MKLN1: variants seen among roughly 807,000 people sequenced by gnomAD.
MKLN1 encodes muskelin.
Under a neutral mutation model 99.0 loss-of-function variants are expected in MKLN1, and 18 were observed. That is an observed-to-expected ratio of 0.18 (90% CI 0.13 to 0.27). The LOEUF is 0.27. Ranked by LOEUF, MKLN1 falls within the 10% of genes least tolerant of loss-of-function variation. The pLI, the probability that MKLN1 is intolerant of heterozygous loss-of-function variation, is 1.00. For missense variants in MKLN1, 621 were observed against 875.9 expected (o/e 0.71, Z 3.67); for synonymous variants, 288 against 293.2 (o/e 0.98, Z 0.18).
intron 3 of MKLN1, among the ~76,000 whole-genome samples, chr7:131,284,312 A>G (rs1798101891): frequency 6.6e-6 from 1 of 152,264 alleles, no homozygotes; most frequent in Non-Finnish European, 1.5e-5. Flanking sequence ...TTAAAAATAC[A>G]CATATCTAAG....
At chr7:131,290,812 A>G (rs1798204706) in intron 3 of MKLN1, among the ~76,000 whole-genome samples, 1 of 152,230 alleles carries the variant, frequency 6.6e-6, no homozygotes, top group Non-Finnish European at 1.5e-5. Context: ...CTTTGAATTA[A>G]TGAGATAGAC....
In MKLN1 at chr7:131,192,177, TAA is replaced by T. The variant is rs199745919; in HGVS notation, c.-296-10676_-296-10675del. On this transcript the variant is annotated intron_variant, in intron 2 of 7. Coordinates refer to the MKLN1 transcript ENST00000416992. The stretch of plus-strand genomic sequence containing the variant: ...TACATATATACTTATGTATAATATA[TAA>T]AAATATATAAAATATAATATATACA... 2.4e-3 allele frequency among the ~76,000 whole-genome samples: 200 copies of T among 82,244 alleles called. 16 individuals are homozygous for T. Among genetic ancestry groups the T allele is most frequent in the African/African-American group, 4.4e-3 (68 of 15,376 alleles). The allele number at this position is 82,244 out of a possible 152,430, so 54.0% of individuals were successfully genotyped here. A position where few individuals can be genotyped will look rare whatever the true frequency, so the allele number is the denominator to read the frequency against.
intron 2 of MKLN1, among the ~76,000 whole-genome samples, chr7:131,160,401 T>G (rs1449267457): frequency 2.0e-5 from 3 of 151,856 alleles, no homozygotes; most frequent in African/African-American, 4.8e-5. Context: ...TTTGTGGAAA[T>G]GTACATTTTA....
chr7:131,414,188 A>G (rs1794953691), intron 7 of MKLN1, among the ~76,000 whole-genome samples: 1 of 152,242 alleles, frequency 6.6e-6, no homozygotes, highest in African/African-American at 2.4e-5. Flanking sequence ...TCATTAATAT[A>G]AAACTTGATA....
At chr7:131,332,595 T>C (rs1205130293) in intron 1 of MKLN1, among the ~76,000 whole-genome samples, 1 of 151,646 alleles carries the variant, frequency 6.6e-6, no homozygotes, top group Non-Finnish European at 1.5e-5. Context: ...ACCTAAAGAT[T>C]ACTAGTCACC....
chr7:131,260,643 C>T (rs902911142), intron 3 of MKLN1, among the ~76,000 whole-genome samples: 1 of 152,076 alleles, frequency 6.6e-6, no homozygotes, highest in African/African-American at 2.4e-5. Flanking sequence ...CTTGAATAGC[C>T]AGGGCAATCC....
At chr7:131,475,596 G>A (rs1004870403) in intron 16 of MKLN1, among the ~76,000 whole-genome samples, 4 of 152,170 alleles carry the variant, frequency 2.6e-5, no homozygotes, top group African/African-American at 9.7e-5. Context: ...TGGATCGCCT[G>A]AGCCCATGAG....
intron 3 of MKLN1, among the ~76,000 whole-genome samples, chr7:131,203,336 C>T (rs918907163): frequency 6.6e-6 from 1 of 151,968 alleles, no homozygotes; most frequent in Non-Finnish European, 1.5e-5. Context: ...TCTAAAAGGC[C>T]CTTCATGATC....
chr7:131,301,482 G>T (rs943107588), intron 3 of MKLN1, among the ~76,000 whole-genome samples: 3 of 152,174 alleles, frequency 2.0e-5, no homozygotes, highest in Non-Finnish European at 4.4e-5. Flanking sequence ...AAAAAATTAT[G>T]TTCGAGAAAT....
At chr7:131,207,887 A>G (rs1179527202) in intron 3 of MKLN1, among the ~76,000 whole-genome samples, 2 of 152,246 alleles carry the variant, frequency 1.3e-5, no homozygotes, top group Non-Finnish European at 2.9e-5. Flanking sequence ...CTTTGGAAAG[A>G]ACATATATAG....
intron 2 of MKLN1, 142 bp from the exon 3 acceptor site, chr7:131,386,978 C>A: frequency 1.5e-6 from 1 of 675,940 alleles, no homozygotes; most frequent in Non-Finnish European, 2.3e-6. Flanking sequence ...ATGTACTATT[C>A]TATAGCTTTA....
At chr7:131,236,846 G>C (rs968030394) in intron 3 of MKLN1, among the ~76,000 whole-genome samples, 1 of 152,002 alleles carries the variant, frequency 6.6e-6, no homozygotes, top group African/African-American at 2.4e-5. Context: ...AATTAGCTGG[G>C]CATGCTGGTG....
chr7:131,343,135 A>G (rs928122079), intron 1 of MKLN1, among the ~76,000 whole-genome samples: 1 of 152,226 alleles, frequency 6.6e-6, no homozygotes, highest in Admixed American at 6.5e-5. Context: ...AAGATGAGCT[A>G]TGCCTTCCTT....
At chr7:131,111,004 C>T (rs1325034841) in intron 1 of MKLN1, among the ~76,000 whole-genome samples, 2 of 152,218 alleles carry the variant, frequency 1.3e-5, no homozygotes, top group African/African-American at 2.4e-5. Context: ...GGGAAATATA[C>T]GGACAGGCTT....
intron 10 of MKLN1, among the ~76,000 whole-genome samples, chr7:131,440,759 A>G (rs1367919954): frequency 1.3e-5 from 2 of 152,184 alleles, no homozygotes; most frequent in Non-Finnish European, 2.9e-5. Context: ...AAGCCAAAAC[A>G]ATGGAAAAAA....
At chr7:131,168,531 A>C (rs1431727040) in intron 2 of MKLN1, among the ~76,000 whole-genome samples, 1 of 152,180 alleles carries the variant, frequency 6.6e-6, no homozygotes, top group African/African-American at 2.4e-5. Context: ...ACTGGTAGAC[A>C]TTAAGGATTC....
chr7:131,419,375 C>T (rs893460867), intron 8 of MKLN1, among the ~76,000 whole-genome samples: 8 of 150,946 alleles, frequency 5.3e-5, no homozygotes, highest in Admixed American at 2.6e-4. Context: ...CTCAGCCTCC[C>T]GAGTAGCTGG....
intron 2 of MKLN1, among the ~76,000 whole-genome samples, chr7:131,155,422 T>C (rs79866979): frequency 0.053 from 8,070 of 152,296 alleles, 375 homozygotes; most frequent in African/African-American, 0.13. Flanking sequence ...GTTGTAAACA[T>C]ACATATATCG....
rs181193181 is a variant in MKLN1 at position 131,444,359 on chromosome 7, C to G, written c.1395+657C>G. Reference sequence around the variant, plus strand: ...CTTGAACTCCTGACCTCAGGTGATCCACCCGCCTCTGCCTTCTGCGGTGTT... The same window carrying G: ...CTTGAACTCCTGACCTCAGGTGATCGACCCGCCTCTGCCTTCTGCGGTGTT... On this transcript the variant is annotated intron_variant, in intron 11 of 17. Coordinates refer to ENST00000352689, the MANE Select transcript of MKLN1 (RefSeq NM_013255.5). Among the ~76,000 whole-genome samples the G allele has an allele frequency of 5.3e-3, 807 of 151,920 alleles. 1 individual carries two copies. Among genetic ancestry groups the G allele is most frequent in the Middle Eastern group, 0.014 (4 of 294 alleles).
Sources: gnomAD v4.1 joint callset for allele counts (sites outside exome capture counted in the v4.1 genomes callset) on GRCh38, gnomAD v4.1.1 for gene constraint, MANE v1.5 for transcripts, NCBI Gene and HGNC (gene_info 2026-07-23, HGNC 2026-07-21) for gene names.